PIK3C2A: variants seen among roughly 807,000 people sequenced by gnomAD.
PIK3C2A encodes the protein phosphatidylinositol 4-phosphate 3-kinase C2 domain-containing subunit alpha.
In PIK3C2A, 97 loss-of-function variants were observed where a neutral mutation model predicts 204.5. That is an observed-to-expected ratio of 0.47 (90% CI 0.40 to 0.56). The LOEUF is 0.56. Ranked by LOEUF, PIK3C2A falls within the 20% of genes least tolerant of loss-of-function variation. The pLI, the probability that PIK3C2A is intolerant of heterozygous loss-of-function variation, is 0.00. For synonymous variants in PIK3C2A, 653 were observed against 664.4 expected (o/e 0.98, Z 0.26); for missense variants, 1,735 against 1,969.2 (o/e 0.88, Z 2.25).
chr11:17,122,393 T>A, intron 14 of PIK3C2A, 60 bp from the exon 15 acceptor site: 1 of 1,041,128 alleles, frequency 9.6e-7, no homozygotes, highest in Non-Finnish European at 1.4e-6. Flanking sequence ...CATTAACCTC[T>A]TTGTCTTTAA....
At chr11:17,198,814 AAC>A (rs1200795523) in intron 1 of PIK3C2A, among the ~76,000 whole-genome samples, 9 of 97,576 alleles carry the variant, frequency 9.2e-5, no homozygotes, top group Non-Finnish European at 1.7e-4. Flanking sequence ...AACAAAACAA[AAC>A]AAAAAAAAAA....
In PIK3C2A at chr11:17,155,642, A is replaced by C. The variant is rs1590971241; in HGVS notation, c.1066-13T>G. The C allele has an allele frequency of 6.7e-7, 1 of 1,493,716 alleles. No homozygotes were observed. The highest frequency in any genetic ancestry group is 2.3e-5 in the East Asian group (1 of 44,152). The allele number at this position is 1,493,716 out of a possible 1,614,324, so 92.5% of individuals were successfully genotyped here. On this transcript the variant is annotated splice_polypyrimidine_tract_variant and intron_variant, in intron 2 of 32. Transcript: ENST00000691414. ...CATTTGGGTCTTTCTGTAATTAAAA[A>C]AGTGTTTTTATTTTAAAAGTGGAAG...
intron 8 of PIK3C2A, chr11:17,138,042 A>T: frequency 1.6e-6 from 1 of 644,328 alleles, no homozygotes; most frequent in Admixed American, 1.9e-5. Context: ...GCTCCTTGAT[A>T]AGGAAAGCAT....
intron 2 of PIK3C2A, among the ~76,000 whole-genome samples, chr11:17,166,500 T>C (rs1461255972): frequency 6.6e-6 from 1 of 152,196 alleles, no homozygotes; most frequent in Non-Finnish European, 1.5e-5. Context: ...GTAAATGACT[T>C]TTCAATAATG....
chr11:17,169,673 T>C lies in PIK3C2A; in HGVS notation c.69A>G (p.Ala23=), dbSNP rs61747758. The C allele has an allele frequency of 9.1e-4, 1,471 of 1,612,270 alleles. 2 individuals carry two copies. The highest frequency in any genetic ancestry group is 1.1e-3 in the Non-Finnish European group (1,284 of 1,180,012). Residue 23 remains alanine (A), a synonymous_variant, in exon 2 of 33, where the codon GCA becomes GCG. Transcript: ENST00000691414. Reference sequence around the variant, plus strand: ...ATGCTTCTTCTTTGTCCACATCTTTTGCTCTTGTTGGTTCCGGATGTGAAG... The same window carrying C: ...ATGCTTCTTCTTTGTCCACATCTTTCGCTCTTGTTGGTTCCGGATGTGAAG... ...CPSSHPEPTR[A]KDVDKEEALQ...
At chr11:17,167,897 T>A (rs1851020213) in intron 2 of PIK3C2A, among the ~76,000 whole-genome samples, 1 of 151,782 alleles carries the variant, frequency 6.6e-6, no homozygotes, top group Non-Finnish European at 1.5e-5. Flanking sequence ...AAAGGGAGAG[T>A]CCTTTAAATT....
chr11:17,148,596 G>A (rs1850325649), intron 5 of PIK3C2A, 71 bp downstream of exon 5: 2 of 1,375,054 alleles, frequency 1.5e-6, no homozygotes, highest in Non-Finnish European at 1.0e-6. Flanking sequence ...AATTTAACTT[G>A]AAATTTTTCT....
chr11:17,164,306 C>A (rs1426984791), intron 2 of PIK3C2A, among the ~76,000 whole-genome samples: 2 of 149,904 alleles, frequency 1.3e-5, no homozygotes, highest in African/African-American at 2.5e-5. Context: ...GAGCCGTGAT[C>A]GCACTGCTGC....
chr11:17,135,253 A>G, intron 9 of PIK3C2A, 94 bp from the exon 10 acceptor site: 2 of 1,200,598 alleles, frequency 1.7e-6, no homozygotes, highest in Admixed American at 1.9e-5. Flanking sequence ...TTTCCAGGGG[A>G]AACCTCCCAA....
intron 1 of PIK3C2A, among the ~76,000 whole-genome samples, chr11:17,173,838 T>C (rs1418576552): frequency 6.6e-6 from 1 of 152,224 alleles, no homozygotes; most frequent in Non-Finnish European, 1.5e-5. Flanking sequence ...AGTCTCATTC[T>C]GTTGCTCAGA....
intron 1 of PIK3C2A, among the ~76,000 whole-genome samples, chr11:17,190,566 C>T (rs1336241380): frequency 4.8e-5 from 6 of 125,586 alleles, no homozygotes; most frequent in Admixed American, 4.5e-4. Flanking sequence ...CAGAGCAAGA[C>T]TCTGTCTCAA....
chr11:17,092,931 T>C (rs1282056650), intron 28 of PIK3C2A, among the ~76,000 whole-genome samples: 1 of 152,314 alleles, frequency 6.6e-6, no homozygotes, highest in East Asian at 1.9e-4. Flanking sequence ...TTTATCCAGA[T>C]CTGATCCCTA....
chr11:17,145,849 T>C lies in PIK3C2A; in HGVS notation c.1640+14A>G, dbSNP rs763380622. 2 of 1,609,080 alleles carry C rather than the reference T, an allele frequency of 1.2e-6. No homozygotes were observed. Among genetic ancestry groups the C allele is most frequent in the South Asian group, 2.2e-5 (2 of 90,986 alleles). On this transcript the variant is annotated intron_variant, in intron 7 of 32. Transcript: ENST00000691414. ...AAGTCTGAAAACCTGCAATTAATGC[T>C]TTAGATGATATACCTCGTCATGGCT...
At chr11:17,100,848 A>G (rs374409465) in intron 25 of PIK3C2A, among the ~76,000 whole-genome samples, 2 of 152,286 alleles carry the variant, frequency 1.3e-5, no homozygotes, top group East Asian at 3.9e-4. Context: ...ATATCAATTT[A>G]CTCATAATAA....
chr11:17,099,827 G>T, intron 26 of PIK3C2A, 33 bp downstream of exon 26: 1 of 894,158 alleles, frequency 1.1e-6, no homozygotes, highest in Non-Finnish European at 1.8e-6. Context: ...AATATTTTAT[G>T]TTCCTTCTGC....
At chr11:17,173,913 C>G (rs529373652) in intron 1 of PIK3C2A, among the ~76,000 whole-genome samples, 1 of 152,314 alleles carries the variant, frequency 6.6e-6, no homozygotes, top group Admixed American at 6.5e-5. Flanking sequence ...AGCGATTCTC[C>G]TGCCTCAGCC....
At chr11:17,138,223 TG>T in intron 8 of PIK3C2A, 1 of 987,338 alleles carries the variant, frequency 1.0e-6, no homozygotes, top group Non-Finnish European at 1.6e-6. Context: ...CCAACCTTCT[TG>T]GTACAAAGGT....
intron 12 of PIK3C2A, among the ~76,000 whole-genome samples, chr11:17,131,274 G>A (rs1270341197): frequency 6.6e-6 from 1 of 152,082 alleles, no homozygotes; most frequent in Non-Finnish European, 1.5e-5. Context: ...AATAAATACT[G>A]AAGCAAGCAA....
chr11:17,195,729 C>G lies in PIK3C2A; in HGVS notation c.-66+12119G>C, dbSNP rs936284634. The stretch of plus-strand genomic sequence containing the variant: ...CTGCACTCCAGCCTGGGAGACAGAG[C>G]AAGACTCTATTGCAAAAAAAAAAAA... On this transcript the variant is annotated intron_variant, in intron 1 of 32. Coordinates refer to ENST00000691414, the MANE Select transcript of PIK3C2A (RefSeq NM_002645.4). Among the ~76,000 whole-genome samples the G allele has an allele frequency of 2.8e-4, 40 of 141,876 alleles. 1 individual carries two copies. The highest frequency in any genetic ancestry group is 4.9e-4 in the Non-Finnish European group (32 of 65,482). The allele number at this position is 141,876 out of a possible 152,430, so 93.1% of individuals were successfully genotyped here. A position where few individuals can be genotyped will look rare whatever the true frequency, so the allele number is the denominator to read the frequency against.
Sources: gnomAD v4.1 joint callset for allele counts (sites outside exome capture counted in the v4.1 genomes callset) on GRCh38, gnomAD v4.1.1 for gene constraint, MANE v1.5 for transcripts, NCBI Gene and HGNC (gene_info 2026-07-23, HGNC 2026-07-21) for gene names.